Variants in CNTNAP2 observed in about 807,000 individuals in gnomAD.
The protein encoded by CNTNAP2 is contactin-associated protein-like 2.
CNTNAP2 carries 98 observed loss-of-function variants against 155.2 expected under a neutral mutation model. That is an observed-to-expected ratio of 0.63 (90% CI 0.54 to 0.75). CNTNAP2 has a LOEUF of 0.75. Among genes scored for constraint, CNTNAP2 ranks in the 30% least tolerant of loss-of-function variants. The pLI is 0.00. For synonymous variants in CNTNAP2, 651 were observed against 631.2 expected, an observed-to-expected ratio of 1.03 and a Z score of -0.47; for missense variants, 1,727 against 1,688.1, an observed-to-expected ratio of 1.02 and a Z score of -0.40.
chr7:147,236,409 T>A (rs1803804170), intron 8 of CNTNAP2, among the ~76,000 whole-genome samples: 1 of 150,376 alleles, frequency 6.6e-6, no homozygotes, highest in African/African-American at 2.4e-5. Context: ...AATTACATTT[T>A]ATTTTAAGCT....
chr7:147,313,979 G>T (rs1040282118), intron 9 of CNTNAP2, among the ~76,000 whole-genome samples: 5 of 151,764 alleles, frequency 3.3e-5, no homozygotes, highest in South Asian at 4.2e-4. Context: ...GGTCCTTCAC[G>T]TCCCTTGTAA....
chr7:147,826,255 G>C (rs989383649), intron 13 of CNTNAP2, among the ~76,000 whole-genome samples: 2 of 152,092 alleles, frequency 1.3e-5, no homozygotes, highest in African/African-American at 4.8e-5. Flanking sequence ...CTCCTTAATA[G>C]AAATAATGAA....
intron 1 of CNTNAP2, among the ~76,000 whole-genome samples, chr7:146,753,019 T>C (rs1191928184): frequency 6.6e-6 from 1 of 152,160 alleles, no homozygotes; most frequent in South Asian, 2.1e-4. Flanking sequence ...GCAGAGTTCA[T>C]AGAGCCTGAC....
chr7:147,993,527 A>G (rs932932017), intron 15 of CNTNAP2, among the ~76,000 whole-genome samples: 4 of 152,162 alleles, frequency 2.6e-5, no homozygotes, highest in Non-Finnish European at 4.4e-5. Context: ...TGTGTCTTGA[A>G]CATCCATAGG....
chr7:148,040,264 T>G (rs1201024638), intron 15 of CNTNAP2, among the ~76,000 whole-genome samples: 2 of 152,210 alleles, frequency 1.3e-5, no homozygotes, highest in African/African-American at 4.8e-5. Flanking sequence ...TGATAATGCT[T>G]TAACTTTCTG....
chr7:146,330,351 T>G (rs573331234), intron 1 of CNTNAP2, among the ~76,000 whole-genome samples: 2 of 152,284 alleles, frequency 1.3e-5, no homozygotes, highest in African/African-American at 4.8e-5. Context: ...ACCAGTAATA[T>G]GACAAGCACT....
intron 13 of CNTNAP2, among the ~76,000 whole-genome samples, chr7:147,731,180 G>A (rs1041284750): frequency 6.6e-6 from 1 of 152,166 alleles, no homozygotes; most frequent in Non-Finnish European, 1.5e-5. Flanking sequence ...GATGAAGGCA[G>A]CTATACTAAA....
rs571752465 is a variant in CNTNAP2 at position 147,160,408 on chromosome 7, G to T, written c.1348+27899G>T. Among the ~76,000 whole-genome samples the T allele has an allele frequency of 2.2e-4, 33 of 152,132 alleles. No individual in the cohort carries two copies. In the South Asian group the frequency reaches 6.0e-3, roughly 28 times the overall value. ...ATAATGTTGCTGGGAGTTTATAATT[G>T]CAGAAGTTTTATCCAGATTACAAAC... On this transcript the variant is annotated intron_variant, in intron 8 of 23. Transcript: ENST00000361727.
chr7:146,792,996 A>C (rs1480013734), intron 2 of CNTNAP2, among the ~76,000 whole-genome samples: 1 of 152,192 alleles, frequency 6.6e-6, no homozygotes, highest in Non-Finnish European at 1.5e-5. Flanking sequence ...AAAAAACTAA[A>C]AAGAAACAGG....
intron 3 of CNTNAP2, among the ~76,000 whole-genome samples, chr7:146,992,624 T>G (rs898830220): frequency 2.0e-5 from 3 of 152,080 alleles, no homozygotes; most frequent in Non-Finnish European, 4.4e-5. Context: ...CCATTCTCCC[T>G]GTACACAGGC....
At chr7:147,327,953 T>A (rs1795491282) in intron 9 of CNTNAP2, among the ~76,000 whole-genome samples, 1 of 151,940 alleles carries the variant, frequency 6.6e-6, no homozygotes, top group Admixed American at 6.6e-5. Flanking sequence ...CCAAAGAATC[T>A]AGAGAGAATT....
At chr7:146,790,695 G>A (rs1802655604) in intron 2 of CNTNAP2, among the ~76,000 whole-genome samples, 1 of 151,854 alleles carries the variant, frequency 6.6e-6, no homozygotes, top group South Asian at 2.1e-4. Context: ...TCAGCCTCCG[G>A]AGTAGCTGGG....
intron 1 of CNTNAP2, among the ~76,000 whole-genome samples, chr7:146,541,110 G>T (rs540936682): frequency 8.6e-5 from 13 of 151,976 alleles, no homozygotes; most frequent in African/African-American, 3.1e-4. Flanking sequence ...TGTCACCTCT[G>T]CCTCCACCTG....
At chr7:147,438,900 T>C (rs1797595654) in intron 10 of CNTNAP2, among the ~76,000 whole-genome samples, 1 of 152,074 alleles carries the variant, frequency 6.6e-6, no homozygotes. Flanking sequence ...TAGTAGCCAC[T>C]GATAATCCTT....
chr7:147,590,641 G>A (rs914589679), intron 12 of CNTNAP2, among the ~76,000 whole-genome samples: 5 of 152,160 alleles, frequency 3.3e-5, no homozygotes, highest in African/African-American at 9.7e-5. Flanking sequence ...GATTCTGTCC[G>A]TGAACAACTT....
At chr7:147,000,990 C>G (rs1798411367) in intron 3 of CNTNAP2, among the ~76,000 whole-genome samples, 1 of 152,048 alleles carries the variant, frequency 6.6e-6, no homozygotes, top group Non-Finnish European at 1.5e-5. Context: ...GCAGGTCTAC[C>G]TAATGCTGGT....
chr7:146,811,774 T>G (rs1343231279), intron 2 of CNTNAP2, among the ~76,000 whole-genome samples: 1 of 152,162 alleles, frequency 6.6e-6, no homozygotes, highest in Non-Finnish European at 1.5e-5. Context: ...AATTCAATTT[T>G]GGGGGTGGTT....
chr7:147,184,234 GA>G (rs1802521278), intron 8 of CNTNAP2, among the ~76,000 whole-genome samples: 1 of 152,112 alleles, frequency 6.6e-6, no homozygotes, highest in African/African-American at 2.4e-5. Context: ...ACTGAAATAG[GA>G]GCTGGGGAGA....
chr7:148,279,962 GT>G (rs1796943032), intron 21 of CNTNAP2, among the ~76,000 whole-genome samples: 1 of 152,148 alleles, frequency 6.6e-6, no homozygotes, highest in Non-Finnish European at 1.5e-5. Context: ...AGTGCCAAGG[GT>G]TAGTGACTAG....
Sources: allele counts gnomAD v4.1 joint callset (sites outside exome capture counted in the v4.1 genomes callset), GRCh38; gene constraint gnomAD v4.1.1; transcripts MANE v1.5; gene names NCBI Gene and HGNC (gene_info 2026-07-23, HGNC 2026-07-21).